SHPRH: variants seen among roughly 807,000 people sequenced by gnomAD.
SHPRH encodes E3 ubiquitin-protein ligase SHPRH.
In SHPRH, 106 loss-of-function variants were observed where a neutral mutation model predicts 202.5. The ratio of observed to expected loss-of-function variants is 0.52; its 90% CI spans 0.45 to 0.62. SHPRH has a LOEUF of 0.62. Among genes scored for constraint, SHPRH ranks in the 20% least tolerant of loss-of-function variants. The probability of loss-of-function intolerance (pLI) is 0.00; values close to 1 mark genes in which losing one functional copy is unlikely to be tolerated. For synonymous variants in SHPRH, 729 were observed against 686.0 expected, an observed-to-expected ratio of 1.06 and a Z score of -0.98; for missense variants, 1,710 against 2,020.0, an observed-to-expected ratio of 0.85 and a Z score of 2.94.
At chr6:145,925,449 T>G (rs946105458) in intron 16 of SHPRH, among the ~76,000 whole-genome samples, 1 of 151,702 alleles carries the variant, frequency 6.6e-6, no homozygotes, top group African/African-American at 2.4e-5. Flanking sequence ...AAAACATCAG[T>G]CTCTACTCAT....
At chr6:145,945,692 T>A in intron 7 of SHPRH, 55 bp from the exon 8 acceptor site, 2 of 1,500,414 alleles carry the variant, frequency 1.3e-6, no homozygotes, top group Non-Finnish European at 1.8e-6. Context: ...GAAAAGAAAG[T>A]AAAACTTGGT....
At chr6:145,883,725 A>G (rs1325871674), downstream of SHPRH, 1 of 152,160 alleles carries the variant, frequency 6.6e-6, no homozygotes, top group African/African-American at 2.4e-5. Context: ...CTTAAAATGC[A>G]TTGCTTGTAC....
intron 17 of SHPRH, 95 bp downstream of exon 17, chr6:145,924,644 G>C: frequency 2.1e-6 from 2 of 970,814 alleles, no homozygotes; most frequent in East Asian, 4.9e-5. Context: ...ATTTCAAAAT[G>C]TATAAGAAAT....
At chr6:145,859,520 C>T (rs569137705), downstream of SHPRH, among the ~76,000 whole-genome samples, 1 of 152,044 alleles carries the variant, frequency 6.6e-6, no homozygotes, top group South Asian at 2.1e-4. Context: ...AAATTGTCTG[C>T]TTTACAAAAG....
intron 18 of SHPRH, 68 bp from the exon 19 acceptor site, chr6:145,922,904 G>A: frequency 1.4e-6 from 2 of 1,428,716 alleles, no homozygotes; most frequent in South Asian, 1.6e-5. Flanking sequence ...CTCAAATTCA[G>A]AGAATGGTTG....
At chr6:145,948,124 T>C in intron 5 of SHPRH, 148 bp downstream of exon 5, 2 of 492,530 alleles carry the variant, frequency 4.1e-6, no homozygotes, top group Non-Finnish European at 7.1e-6. Flanking sequence ...ATTCTAAATC[T>C]ATCCTATCCA....
rs189526230 is a variant in SHPRH, at chr6:145,864,455, G to A, written c.258C>T (p.Asp86=). ...ACCAGGGGTGGGAGAATGGGGTGAT[G>A]TCATGAAAACAAAATAACGCCTGTT... The change falls in exon 3 of 3, where the codon GAC becomes GAT. Residue 86 remains aspartate, a synonymous_variant. Coordinates refer to the SHPRH transcript ENST00000417762. 9.7e-3 allele frequency: 3,234 copies of A among 334,524 alleles called. 22 individuals are homozygous for A. The highest frequency in any genetic ancestry group is 0.015 in the Non-Finnish European group (2,418 of 159,994). 20.7% of individuals were successfully genotyped at this position (334,524 alleles called of 1,614,324 possible).
chr6:145,960,482 T>C lies in SHPRH; in HGVS notation c.-33+3249A>G, dbSNP rs766113709. 3.1e-4 allele frequency among the ~76,000 whole-genome samples: 47 copies of C among 152,174 alleles called. 1 individual carries two copies. The highest frequency in any genetic ancestry group is 4.8e-4 in the African/African-American group (20 of 41,430). The stretch of plus-strand genomic sequence containing the variant: ...CATAATAATATTAATAACATGGTTA[T>C]TGTGGAATCATTAACTCTGAAAACC... On this transcript the variant is annotated intron_variant, in intron 1 of 29. Transcript: ENST00000275233.
intron 1 of SHPRH, 72 bp from the exon 2 acceptor site, chr6:145,955,426 A>G: frequency 3.6e-6 from 5 of 1,394,896 alleles, no homozygotes; most frequent in African/African-American, 1.4e-5. Flanking sequence ...CAGATGAGAA[A>G]TTCAGCATAA....
chr6:145,860,629 C>T (rs1435418721), downstream of SHPRH, among the ~76,000 whole-genome samples: 2 of 151,798 alleles, frequency 1.3e-5, no homozygotes, highest in Middle Eastern at 3.2e-3. Context: ...GGCAGTTTTC[C>T]AGAAATAGAA....
intron 1 of SHPRH, among the ~76,000 whole-genome samples, chr6:145,961,137 G>A (rs974914900): frequency 3.3e-5 from 5 of 152,152 alleles, no homozygotes; most frequent in African/African-American, 1.2e-4. Context: ...GGCCTGAGGG[G>A]TGGGGACCCC....
intron 20 of SHPRH, 87 bp from the exon 21 acceptor site, chr6:145,921,479 G>T: frequency 3.1e-6 from 4 of 1,304,916 alleles, no homozygotes; most frequent in Non-Finnish European, 4.2e-6. Context: ...GAACATGTTT[G>T]CAAGTCTTTG....
chr6:145,933,639 A>C (rs1019387892), intron 13 of SHPRH, among the ~76,000 whole-genome samples: 1 of 152,178 alleles, frequency 6.6e-6, no homozygotes, highest in African/African-American at 2.4e-5. Flanking sequence ...TCGGACTCTA[A>C]CTGTACACAG....
intron 6 of SHPRH, 25 bp from the exon 7 acceptor site, chr6:145,946,366 TAC>T (rs761656203): frequency 2.6e-6 from 4 of 1,554,210 alleles, no homozygotes; most frequent in East Asian, 4.6e-5. Context: ...AGTCAGTAGT[TAC>T]ACAGTGTTTT....
At chr6:145,888,814 T>C (rs1407178781) in intron 28 of SHPRH, among the ~76,000 whole-genome samples, 1 of 152,148 alleles carries the variant, frequency 6.6e-6, no homozygotes, top group African/African-American at 2.4e-5. Flanking sequence ...ACTATGGTTG[T>C]GTCAGTGGAG....
In SHPRH at chr6:145,946,245, CT is replaced by C; in HGVS notation, c.1308del (p.Val437PhefsTer8). The C allele has an allele frequency of 6.2e-7, 1 of 1,607,776 alleles. No homozygotes were observed. Among genetic ancestry groups the C allele is most frequent in the Non-Finnish European group, 8.5e-7 (1 of 1,176,976 alleles). ...ATGTCTTACTTACGAGGGCATTGAACTTTTTCTTTTGGTTCAAATTCGATAT... is the reference window on the plus strand; with the variant it reads ...ATGTCTTACTTACGAGGGCATTGAACTTTTCTTTTGGTTCAAATTCGATAT... Reference protein sequence around the residue: ...IQNIEFEPKEKVQCPPTRVMI... With the variant: ...IQNIEFEPKEXVQCPPTRVMI... On this transcript the variant is annotated frameshift_variant, in exon 7 of 30. Transcript: ENST00000275233. LOFTEE classifies it high-confidence loss of function.
intron 3 of SHPRH, chr6:145,952,052 G>A (rs1230965291): frequency 5.2e-6 from 2 of 384,156 alleles, no homozygotes; most frequent in Admixed American, 3.4e-5. Flanking sequence ...CAAAATAAAA[G>A]CACAGGAATA....
chr6:145,871,694 T>G (rs535819890), intron 2 of SHPRH, among the ~76,000 whole-genome samples: 1 of 152,314 alleles, frequency 6.6e-6, no homozygotes, highest in East Asian at 1.9e-4. Context: ...TAGAAAAAAC[T>G]ATTTTGAAAT....
intron 2 of SHPRH, among the ~76,000 whole-genome samples, chr6:145,872,862 A>C (rs1446544458): frequency 6.6e-6 from 1 of 152,234 alleles, no homozygotes; most frequent in African/African-American, 2.4e-5. Context: ...CATAAAAAGG[A>C]ATCAGGTCAT....
Sources: gnomAD v4.1 joint callset for allele counts (sites outside exome capture counted in the v4.1 genomes callset) on GRCh38, gnomAD v4.1.1 for gene constraint, MANE v1.5 for transcripts, NCBI Gene and HGNC (gene_info 2026-07-23, HGNC 2026-07-21) for gene names.